Variants in PRPS2 observed in about 807,000 individuals in gnomAD.
The protein encoded by PRPS2 is ribose-phosphate pyrophosphokinase 2.
For missense variants in PRPS2, 104 were observed against 271.5 expected, an observed-to-expected ratio of 0.38 and a Z score of 4.34; for synonymous variants, 111 against 115.3, an observed-to-expected ratio of 0.96 and a Z score of 0.24.
chrX:12,816,733 C>G (rs895307963), intron 4 of PRPS2, among the ~76,000 whole-genome samples: 3 of 111,740 alleles, frequency 2.7e-5, no homozygotes, highest in Non-Finnish European at 5.6e-5. Flanking sequence ...TGCCCCTGCC[C>G]CTCACCACAT....
At position 12,809,970 on chromosome X, in the gene PRPS2, G is replaced by GAAAAC. The variant is rs1038400644; in HGVS notation, c.406-36_406-32dup. ...GCGATTATCGTTTAAAAAAACAAAAGAAAACAAAACAAAACAAAACCCTGC... is the reference window on the plus strand; with the variant it reads ...GCGATTATCGTTTAAAAAAACAAAAGAAAACAAAACAAAACAAAACAAAACCCTGC... On this transcript the variant is annotated intron_variant, in intron 3 of 6. Coordinates refer to ENST00000380668, the MANE Select transcript of PRPS2 (RefSeq NM_002765.5). 3.2e-5 allele frequency: 28 copies of GAAAAC among 869,512 alleles called. No homozygotes were observed. In the African/African-American group the frequency reaches 6.9e-4, roughly 21 times the overall value. The allele number at this position is 869,512 out of a possible 1,213,427, so 71.7% of individuals were successfully genotyped here.
intron 1 of PRPS2, among the ~76,000 whole-genome samples, chrX:12,794,107 T>A (rs746645974): frequency 1.6e-4 from 18 of 112,861 alleles, no homozygotes; most frequent in Admixed American, 1.3e-3. Flanking sequence ...CTTAAAACAG[T>A]AATTGTTGAT....
chrX:12,810,213 T>C (rs780095639), intron 4 of PRPS2, 67 bp downstream of exon 4: 3 of 1,166,081 alleles, frequency 2.6e-6, no homozygotes, highest in African/African-American at 1.8e-5. Context: ...TCCGATGTAT[T>C]AGATAAGGAA....
chrX:12,821,476 A>G (rs867741116), intron 6 of PRPS2, among the ~76,000 whole-genome samples: 7 of 111,328 alleles, frequency 6.3e-5, no homozygotes, highest in East Asian at 2.8e-4. Flanking sequence ...GGCGTTATCT[A>G]TCATTTAATG....
At chrX:12,801,672 G>A (rs1043020984) in intron 2 of PRPS2, among the ~76,000 whole-genome samples, 3 of 112,599 alleles carry the variant, frequency 2.7e-5, no homozygotes, top group Non-Finnish European at 3.8e-5. Flanking sequence ...GCAGTGGCAC[G>A]ATCTCAGCTC....
At chrX:12,799,124 T>G (rs1279008968) in intron 1 of PRPS2, 83 bp from the exon 2 acceptor site, 1 of 914,125 alleles carries the variant, frequency 1.1e-6, no homozygotes, top group Non-Finnish European at 1.6e-6. Flanking sequence ...ATCCTGGTGA[T>G]CATCAAACCT....
At chrX:12,810,572 G>A (rs754628597) in intron 4 of PRPS2, among the ~76,000 whole-genome samples, 3 of 111,627 alleles carry the variant, frequency 2.7e-5, no homozygotes, top group African/African-American at 9.8e-5. Context: ...GGAAATATCT[G>A]AGACCAAGAA....
chrX:12,820,571 A>G, intron 5 of PRPS2, 73 bp from the exon 6 acceptor site: 6 of 1,054,261 alleles, frequency 5.7e-6, no homozygotes, highest in South Asian at 2.3e-5. Context: ...TTGTGCTTTT[A>G]CCATTCATAC....
intron 4 of PRPS2, among the ~76,000 whole-genome samples, chrX:12,816,054 C>T (rs1232612420): frequency 4.5e-5 from 5 of 111,819 alleles, no homozygotes; most frequent in Admixed American, 1.9e-4. Flanking sequence ...GACAAGTTTA[C>T]AAACAAAGGG....
rs1225867738 is a variant in PRPS2 at position 12,810,096 on chromosome X, C to A, written c.480C>A (p.Ala160=). Residue 160 remains alanine, a synonymous_variant, in exon 4 of 7, where the codon GCC becomes GCA. Transcript: ENST00000380668. ...AVLQWIRENI[A]EWKNCIIVSP... Reference sequence around the variant, plus strand: ...TGCAGTGGATTCGGGAAAACATTGCCGAGTGGAAGAACTGTATCATTGTTT... The same window carrying A: ...TGCAGTGGATTCGGGAAAACATTGCAGAGTGGAAGAACTGTATCATTGTTT... 1.7e-6 allele frequency: 2 copies of A among 1,210,520 alleles called. No individual in the cohort carries two copies. Among genetic ancestry groups the A allele is most frequent in the Non-Finnish European group, 2.2e-6 (2 of 895,235 alleles).
rs766140662 is a variant in PRPS2, at chrX:12,809,337, C to T, written c.405+5C>T. The T allele has an allele frequency of 2.5e-6, 3 of 1,195,995 alleles. No individual in the cohort carries two copies. The highest frequency in any genetic ancestry group is 3.4e-6 in the Non-Finnish European group (3 of 885,214). On this transcript the variant is annotated splice_donor_5th_base_variant and intron_variant, in intron 3 of 6. Coordinates refer to ENST00000380668, the MANE Select transcript of PRPS2 (RefSeq NM_002765.5). ...CTGCATGCTTCTCAGATACAGGTAT[C>T]CGTGTTTTCCTTCTGCAAATGGTTA... is the stretch of plus-strand genomic sequence containing the variant.
chrX:12,820,298 A>T (rs1221972829), intron 5 of PRPS2, among the ~76,000 whole-genome samples: 1 of 111,909 alleles, frequency 8.9e-6, no homozygotes, highest in Non-Finnish European at 1.9e-5. Context: ...CCTGGGAGAC[A>T]TGTGGCAATG....
At chrX:12,800,982 G>A (rs137912605) in intron 2 of PRPS2, among the ~76,000 whole-genome samples, 159 of 112,242 alleles carry the variant, frequency 1.4e-3, no homozygotes, top group African/African-American at 4.9e-3. Flanking sequence ...AAATGAATGG[G>A]TATGGCTGTG....
chrX:12,802,206 A>G (rs959720201), intron 2 of PRPS2, among the ~76,000 whole-genome samples: 6 of 111,544 alleles, frequency 5.4e-5, no homozygotes, highest in African/African-American at 2.0e-4. Flanking sequence ...TTTTTTCCCA[A>G]TCCTTCTATT....
intron 4 of PRPS2, among the ~76,000 whole-genome samples, chrX:12,810,670 T>C (rs2042619129): frequency 9.1e-6 from 1 of 110,244 alleles, no homozygotes; most frequent in African/African-American, 3.3e-5. Context: ...GTTTTAATAC[T>C]CACCTGGAAA....
chrX:12,820,568 T>C, intron 5 of PRPS2, 76 bp from the exon 6 acceptor site: 14 of 1,053,308 alleles, frequency 1.3e-5, no homozygotes, highest in African/African-American at 1.9e-5. Context: ...ACTTTGTGCT[T>C]TTACCATTCA....
intron 1 of PRPS2, among the ~76,000 whole-genome samples, chrX:12,797,977 G>C (rs920496482): frequency 1.8e-5 from 2 of 112,371 alleles, no homozygotes; most frequent in Non-Finnish European, 3.8e-5. Context: ...TGCAGGAGAG[G>C]GGGCAGGGAA....
At chrX:12,809,006 C>G (rs190387032) in intron 2 of PRPS2, among the ~76,000 whole-genome samples, 81 of 112,164 alleles carry the variant, frequency 7.2e-4, no homozygotes, top group African/African-American at 2.4e-3. Flanking sequence ...CATATTTGTT[C>G]TCTATACCCA....
At chrX:12,797,993 G>A (rs192940994) in intron 1 of PRPS2, among the ~76,000 whole-genome samples, 42 of 112,350 alleles carry the variant, frequency 3.7e-4, no homozygotes, top group African/African-American at 1.1e-3. Context: ...GGGAATCCCC[G>A]GATGGCAGCT....
Sources: allele counts gnomAD v4.1 joint callset (sites outside exome capture counted in the v4.1 genomes callset), GRCh38; gene constraint gnomAD v4.1.1; transcripts MANE v1.5; gene names NCBI Gene and HGNC (gene_info 2026-07-23, HGNC 2026-07-21).